Variants in DCAF1 observed in about 807,000 individuals in gnomAD.
The protein encoded by DCAF1 is DDB1 and CUL4 associated factor 1, also known as DDB1- and CUL4-associated factor 1.
Under a neutral mutation model 128.0 loss-of-function variants are expected in DCAF1, and 15 were observed. The ratio of observed to expected loss-of-function variants is 0.12; its 90% CI spans 0.08 to 0.18. The LOEUF (loss-of-function observed/expected upper bound fraction) is 0.18. Ranked by LOEUF, DCAF1 falls within the 10% of genes least tolerant of loss-of-function variation. The pLI is 1.00. For synonymous variants in DCAF1, 610 were observed against 603.0 expected, an observed-to-expected ratio of 1.01 and a Z score of -0.17; for missense variants, 988 against 1,649.5, an observed-to-expected ratio of 0.60 and a Z score of 6.95.
chr3:51,446,603 C>T (rs1401582793), intron 6 of DCAF1, among the ~76,000 whole-genome samples: 1 of 151,846 alleles, frequency 6.6e-6, no homozygotes, highest in Non-Finnish European at 1.5e-5. Flanking sequence ...TGCACTCCAG[C>T]CTGGGTGACA....
chr3:51,402,566 ATTTTTTTT>A (rs540396047), intron 24 of DCAF1, among the ~76,000 whole-genome samples: 6 of 84,984 alleles, frequency 7.1e-5, no homozygotes, highest in Middle Eastern at 0.018. Flanking sequence ...CCTACAAAGC[ATTTTTTTT>A]TTTTTTTTTT....
chr3:51,475,582 C>G (rs1553650205), intron 3 of DCAF1, among the ~76,000 whole-genome samples: 1 of 152,200 alleles, frequency 6.6e-6, no homozygotes, highest in Non-Finnish European at 1.5e-5. Flanking sequence ...CACTCCAGGG[C>G]CCGGCGTGGT....
At chr3:51,489,560 G>C (rs559125001) in intron 2 of DCAF1, among the ~76,000 whole-genome samples, 1 of 151,628 alleles carries the variant, frequency 6.6e-6, no homozygotes, top group East Asian at 2.0e-4. Context: ...AGGCCAAAGC[G>C]GGTGGATCAA....
At chr3:51,487,735 C>G (rs1707137518) in intron 2 of DCAF1, among the ~76,000 whole-genome samples, 1 of 151,902 alleles carries the variant, frequency 6.6e-6, no homozygotes, top group African/African-American at 2.4e-5. Context: ...ACAGGGTCCC[C>G]CTCCTATGTT....
intron 6 of DCAF1, among the ~76,000 whole-genome samples, chr3:51,453,140 C>G (rs1348105162): frequency 6.6e-6 from 1 of 152,044 alleles, no homozygotes; most frequent in African/African-American, 2.4e-5. Context: ...AAGACAGATT[C>G]TTCTAGTCTC....
chr3:51,488,460 G>T lies in DCAF1; in HGVS notation c.-8-4624C>A, dbSNP rs543513126. Among the ~76,000 whole-genome samples, 2 of 151,954 alleles carry T rather than the reference G, an allele frequency of 1.3e-5. 1 individual carries two copies. ...TGGGAGGCCAAGGCGGGTGGATCAT[G>T]AGGTCAGGAGTTCGAGACCAGCCTG... On this transcript the variant is annotated intron_variant, in intron 2 of 24. Coordinates refer to ENST00000684031, the MANE Select transcript of DCAF1 (RefSeq NM_001387579.1).
intron 9 of DCAF1, among the ~76,000 whole-genome samples, chr3:51,437,043 C>T (rs1467348034): frequency 6.6e-6 from 1 of 151,310 alleles, no homozygotes; most frequent in Non-Finnish European, 1.5e-5. Context: ...CAGGCGGATC[C>T]CTTGAGGTCA....
chr3:51,444,869 G>T (rs1218042340), intron 6 of DCAF1, among the ~76,000 whole-genome samples: 1 of 149,796 alleles, frequency 6.7e-6, no homozygotes, highest in Non-Finnish European at 1.5e-5. Flanking sequence ...TAGAGACGGG[G>T]TTTCACCGTG....
intron 6 of DCAF1, among the ~76,000 whole-genome samples, chr3:51,452,341 C>T (rs1702440425): frequency 6.6e-6 from 1 of 151,878 alleles, no homozygotes; most frequent in Non-Finnish European, 1.5e-5. Context: ...TCATTAATTG[C>T]TATAATTAAA....
chr3:51,434,672 AAAG>A (rs1178489263), intron 9 of DCAF1, among the ~76,000 whole-genome samples: 1 of 152,308 alleles, frequency 6.6e-6, no homozygotes, highest in East Asian at 1.9e-4. Context: ...TATATCCCCA[AAAG>A]AAGAATCTTG....
the DCAF1 span, among the ~76,000 whole-genome samples, chr3:51,505,537 C>A: frequency 6.6e-6 from 1 of 152,184 alleles, no homozygotes; most frequent in African/African-American, 2.4e-5. Flanking sequence ...TGGGGAAGTT[C>A]TTCATCCCTT....
intron 18 of DCAF1, among the ~76,000 whole-genome samples, chr3:51,416,160 T>C (rs1395563605): frequency 6.6e-6 from 1 of 151,754 alleles, no homozygotes; most frequent in East Asian, 1.9e-4. Flanking sequence ...AGTGTCTTCA[T>C]CTCACTCAAA....
chr3:51,499,677 G>C (rs949696966), intron 1 of DCAF1, among the ~76,000 whole-genome samples, 196 bp downstream of exon 1: 1 of 151,796 alleles, frequency 6.6e-6, no homozygotes. Flanking sequence ...CCCAGGACAA[G>C]AATCAGGAGG....
chr3:51,409,215 G>A (rs1553627657), intron 23 of DCAF1, among the ~76,000 whole-genome samples: 1 of 152,224 alleles, frequency 6.6e-6, no homozygotes. Flanking sequence ...TTCCTGGAGA[G>A]AGTGGGATAA....
Position 51,398,682 on chromosome 3 carries a change from C to G in DCAF1, c.*87G>C, listed in dbSNP as rs922753265. The G allele has an allele frequency of 1.3e-6, 2 of 1,515,816 alleles. No homozygotes were observed. The highest frequency in any genetic ancestry group is 2.5e-5 in the East Asian group (1 of 40,788). 93.9% of individuals were successfully genotyped at this position (1,515,816 alleles called of 1,614,324 possible). ...GCAGCTCCTTAAAAGACAGACAGCC[C>G]TGGGAGAAAGAGAAGGGAATATGTT... On this transcript the variant is annotated 3_prime_UTR_variant, in exon 25 of 25. Coordinates refer to ENST00000684031, the MANE Select transcript of DCAF1 (RefSeq NM_001387579.1).
Position 51,427,437 on chromosome 3 carries a change from A to C in DCAF1, c.1782T>G (p.Leu594=), listed in dbSNP as rs782131014. The change falls in exon 13 of 25, where the codon CTT becomes CTG. Residue 594 remains leucine, a synonymous_variant. Coordinates refer to ENST00000684031, the MANE Select transcript of DCAF1 (RefSeq NM_001387579.1). ...YWEPAEVFLK[L]SCVQLLLQLI... The stretch of plus-strand genomic sequence containing the variant: ...GCTGCAACAAGAGTTGCACACAAGA[A>C]AGTTTGAGGAAAACTTCAGCTGGTT... 5.1e-6 allele frequency: 4 copies of C among 780,092 alleles called. No individual in the cohort carries two copies. Among genetic ancestry groups the C allele is most frequent in the Non-Finnish European group, 9.6e-6 (4 of 417,736 alleles). 48.3% of individuals were successfully genotyped at this position (780,092 alleles called of 1,614,324 possible).
At chr3:51,413,116 TA>T in intron 21 of DCAF1, 50 bp from the exon 22 acceptor site, 1 of 1,608,102 alleles carries the variant, frequency 6.2e-7, no homozygotes, top group Non-Finnish European at 8.5e-7. Flanking sequence ...GCTGTGACCC[TA>T]AAACCTGCTT....
At position 51,471,014 on chromosome 3, in the gene DCAF1, A is replaced by G; in HGVS notation, c.111-9T>C. On this transcript the variant is annotated splice_polypyrimidine_tract_variant and intron_variant, in intron 3 of 24. Coordinates refer to ENST00000684031, the MANE Select transcript of DCAF1 (RefSeq NM_001387579.1). ...CAATCAATTGAGACATCCTAGCACAAAGGAAACAAGGGGTCAACTCTGGAC... is the reference window on the plus strand; with the variant it reads ...CAATCAATTGAGACATCCTAGCACAGAGGAAACAAGGGGTCAACTCTGGAC... 1.9e-6 allele frequency: 3 copies of G among 1,587,966 alleles called. No homozygotes were observed. Among genetic ancestry groups the G allele is most frequent in the Non-Finnish European group, 2.6e-6 (3 of 1,162,364 alleles).
At chr3:51,476,019 AT>A (rs1453439663) in intron 3 of DCAF1, among the ~76,000 whole-genome samples, 2 of 152,182 alleles carry the variant, frequency 1.3e-5, no homozygotes, top group Non-Finnish European at 2.9e-5. Context: ...GTTAATTAGA[AT>A]AAAACCTGAC....
Sources: allele counts gnomAD v4.1 joint callset (sites outside exome capture counted in the v4.1 genomes callset), GRCh38; gene constraint gnomAD v4.1.1; transcripts MANE v1.5; gene names NCBI Gene and HGNC (gene_info 2026-07-23, HGNC 2026-07-21).